Variants in AGAP1 observed in about 807,000 individuals in gnomAD.
AGAP1 encodes the protein ArfGAP with GTPase domain, ankyrin repeat and PH domain 1, also known as arf-GAP with GTPase, ANK repeat and PH domain-containing protein 1.
Under a neutral mutation model 105.3 loss-of-function variants are expected in AGAP1, and 29 were observed. The observed-to-expected ratio is 0.28, with a 90% CI of 0.21 to 0.38. AGAP1 has a LOEUF of 0.38. AGAP1 is among the 10% of genes least tolerant of loss of function. The pLI is 1.00. For synonymous variants in AGAP1, 509 were observed against 485.9 expected, an observed-to-expected ratio of 1.05 and a Z score of -0.63; for missense variants, 998 against 1,165.1, an observed-to-expected ratio of 0.86 and a Z score of 2.09.
chr2:236,077,955 G>C (rs1387399030), intron 16 of AGAP1, among the ~76,000 whole-genome samples: 2 of 152,110 alleles, frequency 1.3e-5, no homozygotes, highest in Admixed American at 6.5e-5. Context: ...GCCTCACAGC[G>C]ATAGGGCTCT....
chr2:235,803,954 G>A (rs958288834), intron 8 of AGAP1, among the ~76,000 whole-genome samples: 18 of 152,096 alleles, frequency 1.2e-4, no homozygotes, highest in Admixed American at 5.9e-4. Context: ...TTAGTTTAGC[G>A]GCCCTAGTTT....
intron 9 of AGAP1, among the ~76,000 whole-genome samples, chr2:235,841,335 GTTAGTAGC>G: frequency 6.6e-6 from 1 of 152,304 alleles, no homozygotes; most frequent in East Asian, 1.9e-4. Context: ...TTTGATTTAA[GTTAGTAGC>G]TTACGGGCCT....
At chr2:235,522,116 A>G (rs1489915265) in intron 1 of AGAP1, among the ~76,000 whole-genome samples, 1 of 152,142 alleles carries the variant, frequency 6.6e-6, no homozygotes, top group Non-Finnish European at 1.5e-5. Context: ...ACATTTCCTC[A>G]AGAGGCTTAG....
rs746794396 is a variant in AGAP1 at position 236,036,572 on chromosome 2, A to C, written c.1657A>C (p.Asn553His). The C allele has an allele frequency of 1.2e-6, 2 of 1,613,950 alleles. No homozygotes were observed. Among genetic ancestry groups the C allele is most frequent in the Non-Finnish European group, 8.5e-7 (1 of 1,179,978 alleles). Residue 553 changes from asparagine to histidine, a missense_variant, in exon 14 of 18, where the codon AAT becomes CAT. Physicochemically the swap from Asn to His is moderately conservative, Grantham distance 68. Transcript: ENST00000304032. This position sits in a 1 kb window ranked among gnomAD's most constrained non-coding sequence, Gnocchi z 5.7. The part of the protein sequence containing the change: ...LSGTAEEQEE[N>H]FEFIIVSLTG... ...ACTCTGTGTTTCAGAACAAGAAGAA[A>C]ATTTTGAGTTTATCATTGTGTCCCT...
At chr2:235,929,376 G>C (rs903147665) in intron 11 of AGAP1, among the ~76,000 whole-genome samples, 1 of 152,074 alleles carries the variant, frequency 6.6e-6, no homozygotes, top group East Asian at 1.9e-4. Context: ...GTGGCTTTCC[G>C]ATCCTTCCTT....
rs1048899941 is a variant in AGAP1, at chr2:235,552,000, G to C, written c.163+57151G>C. ...AGATTTCTTGAAAGAACTCTAGTTG[G>C]AGTTGTAGAGCTAATGTTTTTTTCT... On this transcript the variant is annotated intron_variant, in intron 1 of 17. Transcript: ENST00000304032. This position sits in a 1 kb window ranked among gnomAD's most constrained non-coding sequence, Gnocchi z 4.8. Among the ~76,000 whole-genome samples, 1 of 152,194 alleles carries C rather than the reference G, an allele frequency of 6.6e-6. No homozygotes were observed. The highest frequency in any genetic ancestry group is 2.4e-5 in the African/African-American group (1 of 41,458).
chr2:235,989,095 A>T lies in AGAP1; in HGVS notation c.1645+20472A>T, dbSNP rs1243981307. 6.6e-6 allele frequency among the ~76,000 whole-genome samples: 1 copy of T among 152,192 alleles called. No homozygotes were observed. The highest frequency in any genetic ancestry group is 2.4e-5 in the African/African-American group (1 of 41,450). On this transcript the variant is annotated intron_variant, in intron 13 of 17. Coordinates refer to ENST00000304032, the MANE Select transcript of AGAP1 (RefSeq NM_001037131.3). This position sits in a 1 kb window ranked among gnomAD's most constrained non-coding sequence, Gnocchi z 4.4. ...AATTCCTCTCCTGTGTCCTTCAAAT[A>T]ATAATGTGAGATGAAGATGATGATG... is the stretch of plus-strand genomic sequence containing the variant.
At chr2:236,037,622 G>A (rs2057422295) in intron 14 of AGAP1, among the ~76,000 whole-genome samples, 1 of 152,076 alleles carries the variant, frequency 6.6e-6, no homozygotes, top group South Asian at 2.1e-4. Flanking sequence ...TGCCCAGGCT[G>A]GTCTCAAACT....
At chr2:235,545,855 T>C in intron 1 of AGAP1, among the ~76,000 whole-genome samples, 1 of 152,182 alleles carries the variant, frequency 6.6e-6, no homozygotes, top group East Asian at 1.9e-4. Flanking sequence ...ACCTCCGATA[T>C]CTGGTGAAGC....
intron 1 of AGAP1, among the ~76,000 whole-genome samples, chr2:235,570,813 G>A (rs1193102633): frequency 2.0e-5 from 3 of 152,234 alleles, no homozygotes; most frequent in Non-Finnish European, 4.4e-5. Context: ...GTGACACTAC[G>A]TGTAGGTGAT....
In AGAP1 at chr2:235,877,336, G is replaced by A. The variant is rs530550250; in HGVS notation, c.1051-6009G>A. ...ACCATTAATTTACTGTGCATTTAAT[G>A]TTAAGGATGATGATGTTTTGCTGAA... On this transcript the variant is annotated intron_variant, in intron 9 of 17. Coordinates refer to ENST00000304032, the MANE Select transcript of AGAP1 (RefSeq NM_001037131.3). The surrounding 1 kb of genome is among the most constrained non-coding windows in gnomAD (Gnocchi z 4.3). 6.6e-6 allele frequency among the ~76,000 whole-genome samples: 1 copy of A among 152,216 alleles called. No individual in the cohort carries two copies. The highest frequency in any genetic ancestry group is 2.4e-5 in the African/African-American group (1 of 41,520).
At chr2:236,117,887 G>A (rs186587218) in intron 16 of AGAP1, among the ~76,000 whole-genome samples, 1,566 of 152,138 alleles carry the variant, frequency 0.01, 26 homozygotes, top group African/African-American at 0.036. Context: ...GTTTTTGCCC[G>A]AGTGGGGTGC....
chr2:235,758,602 G>C (rs1036753054), intron 6 of AGAP1, among the ~76,000 whole-genome samples: 2 of 152,206 alleles, frequency 1.3e-5, no homozygotes, highest in African/African-American at 4.8e-5. Flanking sequence ...CAGTATGAAA[G>C]AGGTTCAGCT....
intron 9 of AGAP1, among the ~76,000 whole-genome samples, chr2:235,832,474 C>T (rs939103276): frequency 1.3e-5 from 2 of 152,220 alleles, no homozygotes; most frequent in Non-Finnish European, 2.9e-5. Context: ...ATCATCAACT[C>T]TTCCGATGAG....
chr2:236,013,918 C>T (rs1434938154), intron 13 of AGAP1, among the ~76,000 whole-genome samples: 1 of 152,138 alleles, frequency 6.6e-6, no homozygotes, highest in African/African-American at 2.4e-5. Flanking sequence ...GATGTCTTCC[C>T]TGCCACAGAT....
chr2:236,104,148 G>A lies in AGAP1; in HGVS notation c.2115-16044G>A, dbSNP rs1051178487. Among the ~76,000 whole-genome samples the A allele has an allele frequency of 2.0e-5, 3 of 152,070 alleles. No homozygotes were observed. The highest frequency in any genetic ancestry group is 4.8e-5 in the African/African-American group (2 of 41,314). The stretch of plus-strand genomic sequence containing the variant: ...GTCTGCCCCAGGAGCCCCGCAAGGC[G>A]GGAGGCCTGTGTAAAGGCCTGCAGG... On this transcript the variant is annotated intron_variant, in intron 16 of 17. Transcript: ENST00000304032. The surrounding 1 kb of genome is among the most constrained non-coding windows in gnomAD (Gnocchi z 4.7).
At chr2:235,950,484 G>C (rs749605408) in intron 12 of AGAP1, among the ~76,000 whole-genome samples, 1 of 151,780 alleles carries the variant, frequency 6.6e-6, no homozygotes, top group Non-Finnish European at 1.5e-5. Flanking sequence ...CTGAGGTTTG[G>C]GGGCTGGCAG....
At chr2:235,680,288 A>G (rs550721602) in intron 1 of AGAP1, among the ~76,000 whole-genome samples, 14 of 152,268 alleles carry the variant, frequency 9.2e-5, no homozygotes, top group Non-Finnish European at 1.6e-4. Context: ...TTGGGCCAGG[A>G]TTTGGGCTTT....
intron 1 of AGAP1, among the ~76,000 whole-genome samples, chr2:235,619,602 C>G (rs1468293906): frequency 6.6e-6 from 1 of 152,140 alleles, no homozygotes; most frequent in African/African-American, 2.4e-5. Flanking sequence ...AGAGTGCAGT[C>G]TCTGGCCTGG....
Sources: allele counts gnomAD v4.1 joint callset (sites outside exome capture counted in the v4.1 genomes callset), GRCh38; gene constraint gnomAD v4.1.1; non-coding constraint Gnocchi (gnomAD v3.1); transcripts MANE v1.5; gene names NCBI Gene and HGNC (gene_info 2026-07-23, HGNC 2026-07-21).